TGFBR3: variants seen among roughly 807,000 people sequenced by gnomAD.
The protein encoded by TGFBR3 is transforming growth factor beta receptor 3.
Under a neutral mutation model 87.9 loss-of-function variants are expected in TGFBR3, and 46 were observed. The ratio of observed to expected loss-of-function variants is 0.52; its 90% CI spans 0.41 to 0.67. The LOEUF is 0.67. Among genes scored for constraint, TGFBR3 ranks in the 30% least tolerant of loss-of-function variants. TGFBR3 has a pLI of 0.00. For synonymous variants in TGFBR3, 381 were observed against 391.6 expected, an observed-to-expected ratio of 0.97 and a Z score of 0.32; for missense variants, 866 against 1,041.9, an observed-to-expected ratio of 0.83 and a Z score of 2.32.
At chr1:91,838,086 C>T (rs1294065534) in intron 2 of TGFBR3, among the ~76,000 whole-genome samples, 1 of 152,138 alleles carries the variant, frequency 6.6e-6, no homozygotes, top group Non-Finnish European at 1.5e-5. Context: ...TGAGTGACTT[C>T]CCTGCAAGGA....
intron 3 of TGFBR3, among the ~76,000 whole-genome samples, chr1:91,784,109 G>C (rs1674872423): frequency 6.6e-6 from 1 of 152,140 alleles, no homozygotes; most frequent in African/African-American, 2.4e-5. Context: ...ATGTAACAAA[G>C]ATTTAGAAAT....
At chr1:91,862,415 C>T (rs1678237720) in intron 1 of TGFBR3, among the ~76,000 whole-genome samples, 1 of 152,130 alleles carries the variant, frequency 6.6e-6, no homozygotes, top group South Asian at 2.1e-4. Context: ...AATAAAGAAA[C>T]ATAAAAAGGC....
chr1:91,809,231 A>G (rs942226613), intron 2 of TGFBR3, among the ~76,000 whole-genome samples: 1 of 152,226 alleles, frequency 6.6e-6, no homozygotes, highest in Non-Finnish European at 1.5e-5. Context: ...TAAGATGATC[A>G]CTAATTTTCT....
chr1:91,884,754 T>G (rs773640246), intron 1 of TGFBR3, among the ~76,000 whole-genome samples: 1 of 152,256 alleles, frequency 6.6e-6, no homozygotes, highest in African/African-American at 2.4e-5. Flanking sequence ...CGTTAGCTGT[T>G]ATTATTATCC....
chr1:91,853,062 G>A (rs890357959), intron 2 of TGFBR3, among the ~76,000 whole-genome samples: 1 of 151,672 alleles, frequency 6.6e-6, no homozygotes, highest in Non-Finnish European at 1.5e-5. Flanking sequence ...GGGGGTCTGT[G>A]GGGGGAAAAT....
At position 91,821,608 on chromosome 1, in the gene TGFBR3, T is replaced by C. The variant is rs180755403; in HGVS notation, c.62-24137A>G. On this transcript the variant is annotated intron_variant, in intron 2 of 16. Transcript: ENST00000212355. The stretch of plus-strand genomic sequence containing the variant: ...TAGGAAGCAGAGAATCCTGGTTTCC[T>C]CCACTTCAGTGACAACGCCCTCTCA... 4.6e-5 allele frequency among the ~76,000 whole-genome samples: 7 copies of C among 152,314 alleles called. No homozygotes were observed. The East Asian group carries it at 1.4e-3, about 29-fold the overall frequency.
intron 2 of TGFBR3, among the ~76,000 whole-genome samples, chr1:91,856,044 G>A (rs965461238): frequency 3.9e-5 from 6 of 151,942 alleles, no homozygotes; most frequent in African/African-American, 9.7e-5. Flanking sequence ...ACGAAGGAAC[G>A]AGGGAGGGGA....
intron 2 of TGFBR3, among the ~76,000 whole-genome samples, chr1:91,841,074 G>A (rs1677259360): frequency 6.6e-6 from 1 of 152,190 alleles, no homozygotes; most frequent in Non-Finnish European, 1.5e-5. Context: ...GCCTCCCAAA[G>A]TGCTGGGATT....
intron 14 of TGFBR3, among the ~76,000 whole-genome samples, chr1:91,705,924 G>A (rs1417582625): frequency 6.6e-6 from 1 of 151,996 alleles, no homozygotes; most frequent in East Asian, 1.9e-4. Flanking sequence ...ATTATACTAA[G>A]TTTAAATAAA....
At chr1:91,788,867 T>A (rs1414414889) in intron 3 of TGFBR3, among the ~76,000 whole-genome samples, 3 of 152,190 alleles carry the variant, frequency 2.0e-5, no homozygotes, top group Non-Finnish European at 4.4e-5. Flanking sequence ...AACAACACTT[T>A]CAGGAAATTA....
chr1:91,840,453 G>A (rs1025670184), intron 2 of TGFBR3, among the ~76,000 whole-genome samples: 10 of 139,428 alleles, frequency 7.2e-5, no homozygotes, highest in Non-Finnish European at 1.4e-4. Flanking sequence ...GCATGATTTT[G>A]TAATATCATG....
At chr1:91,802,775 G>T (rs779586240) in intron 2 of TGFBR3, among the ~76,000 whole-genome samples, 1 of 151,968 alleles carries the variant, frequency 6.6e-6, no homozygotes, top group Non-Finnish European at 1.5e-5. Flanking sequence ...TACCCCTCGT[G>T]CCTGTTGTTC....
At chr1:91,875,910 C>CA (rs34185299) in intron 1 of TGFBR3, among the ~76,000 whole-genome samples, 23,625 of 63,822 alleles carry the variant, frequency 0.37, 4,147 homozygotes, top group East Asian at 0.73. Context: ...GACTCCGTCT[C>CA]AAAAAAAAAA....
chr1:91,802,332 A>G (rs1675660430), intron 2 of TGFBR3, among the ~76,000 whole-genome samples: 1 of 151,392 alleles, frequency 6.6e-6, no homozygotes, highest in East Asian at 1.9e-4. Context: ...ACTCCAGGCC[A>G]TCTCAGACTT....
chr1:91,818,277 CCTTTTTTTTTTTTTTTTTTTTTTTTTT>C (rs1274390532), intron 2 of TGFBR3, among the ~76,000 whole-genome samples: 114 of 123,136 alleles, frequency 9.3e-4, no homozygotes, highest in Admixed American at 2.7e-3. Flanking sequence ...TTAGCCCCAG[CCTTTTTTTTTTTTTTTTTTTTTTTTTT>C]TTTTTTTTTT....
chr1:91,738,249 A>G (rs949407398), intron 4 of TGFBR3, among the ~76,000 whole-genome samples: 1 of 152,208 alleles, frequency 6.6e-6, no homozygotes, highest in Non-Finnish European at 1.5e-5. Context: ...CACTGCATGA[A>G]GCATCCACAT....
At chr1:91,827,931 A>G (rs1361918920) in intron 2 of TGFBR3, among the ~76,000 whole-genome samples, 1 of 152,220 alleles carries the variant, frequency 6.6e-6, no homozygotes, top group Admixed American at 6.5e-5. Context: ...CAGCACAGGC[A>G]TAACTCCCAA....
intron 2 of TGFBR3, among the ~76,000 whole-genome samples, chr1:91,853,259 C>CAAAAAAAAAAAAAAAAAAAA (rs11340974): frequency 2.6e-5 from 2 of 76,608 alleles, no homozygotes; most frequent in African/African-American, 8.7e-5. Flanking sequence ...TGAGGGTTGG[C>CAAAAAAAAAAAAAAAAAAAA]AAAAAAAAAA....
In TGFBR3 at chr1:91,695,783, T is replaced by C. The variant is rs1276744416; in HGVS notation, c.2330-4A>G. On this transcript the variant is annotated splice_polypyrimidine_tract_variant and splice_region_variant and intron_variant, in intron 15 of 16. Coordinates refer to ENST00000212355, the MANE Select transcript of TGFBR3 (RefSeq NM_003243.5). ...GTGTCCAGACCATGGAAAATTGCTA[T>C]AAAGGAGAGAAACCGATACACACAA... The C allele has an allele frequency of 1.2e-6, 2 of 1,613,518 alleles. No homozygotes were observed. The highest frequency in any genetic ancestry group is 2.2e-5 in the East Asian group (1 of 44,888).
Sources: gnomAD v4.1 joint callset for allele counts (sites outside exome capture counted in the v4.1 genomes callset) on GRCh38, gnomAD v4.1.1 for gene constraint, MANE v1.5 for transcripts, NCBI Gene and HGNC (gene_info 2026-07-23, HGNC 2026-07-21) for gene names.